Variants in IRX3 observed in about 807,000 individuals in gnomAD.
IRX3 encodes iroquois-class homeodomain protein IRX-3.
A neutral mutation model predicts 36.4 loss-of-function variants in IRX3; 20 were observed. The observed-to-expected ratio is 0.55, with a 90% CI of 0.39 to 0.80. The LOEUF is 0.80. Among genes scored for constraint, IRX3 ranks in the 30% least tolerant of loss-of-function variants. The pLI is 0.00. For synonymous variants in IRX3, 404 were observed against 351.6 expected (o/e 1.15, Z -1.67); for missense variants, 718 against 733.2 (o/e 0.98, Z 0.24).
Position 54,284,473 on chromosome 16 carries a change from C to T in IRX3, c.1384+24G>A. On this transcript the variant is annotated intron_variant, in intron 2 of 3. Transcript: ENST00000329734. The surrounding 1 kb of genome is among the most constrained non-coding windows in gnomAD (Gnocchi z 4.0). ...ACTACCCGCAGAGCCCGCCCCCGCTCCGCGCCCAGCGCTCAGCAGTCACCT... is the reference window on the plus strand; with the variant it reads ...ACTACCCGCAGAGCCCGCCCCCGCTTCGCGCCCAGCGCTCAGCAGTCACCT... 2.9e-6 allele frequency: 4 copies of T among 1,392,178 alleles called. No homozygotes were observed. In the South Asian group the frequency reaches 6.5e-5, roughly 23 times the overall value. 86.2% of individuals were successfully genotyped at this position (1,392,178 alleles called of 1,614,324 possible).
At position 54,285,875 on chromosome 16, in the gene IRX3, G is replaced by T; in HGVS notation, c.176C>A (p.Ala59Glu). The change falls in exon 1 of 4, where the codon GCG (alanine) becomes GAG (glutamate). Residue 59 changes from alanine to glutamate, a missense_variant. Transcript: ENST00000329734. The surrounding 1 kb of genome is among the most constrained non-coding windows in gnomAD (Gnocchi z 5.7). ...LSNVLSSVYG[A>E]PYAAAAAAAA... Reference sequence around the variant, plus strand: ...GGCCGCAGCGGCCGCGGCGTAGGGCGCCCCGTACACGGACGAGAGCACGTT... The same window carrying T: ...GGCCGCAGCGGCCGCGGCGTAGGGCTCCCCGTACACGGACGAGAGCACGTT... 1 of 1,540,544 alleles carries T rather than the reference G, an allele frequency of 6.5e-7. No individual in the cohort carries two copies. Among genetic ancestry groups the T allele is most frequent in the Non-Finnish European group, 8.7e-7 (1 of 1,144,714 alleles).
chr16:54,286,481 C>T lies in IRX3; in HGVS notation c.-431G>A. 1 of 739,190 alleles carries T rather than the reference C, an allele frequency of 1.4e-6. No individual in the cohort carries two copies. The highest frequency in any genetic ancestry group is 6.6e-4 in the Middle Eastern group (1 of 1,516). The allele number at this position is 739,190 out of a possible 1,614,324, so 45.8% of individuals were successfully genotyped here. ...CCCCTCCTCGCCCTTCCTCTCCCCT[C>T]CCCTCTCCGCACTCCTCTTCCCCCC... On this transcript the variant is annotated 5_prime_UTR_variant, in exon 1 of 4. Coordinates refer to ENST00000329734, the MANE Select transcript of IRX3 (RefSeq NM_024336.3).
At position 54,286,482 on chromosome 16, in the gene IRX3, C is replaced by T. The variant is rs1171509179; in HGVS notation, c.-432G>A. The T allele has an allele frequency of 2.7e-6, 2 of 737,874 alleles. No individual in the cohort carries two copies. Among genetic ancestry groups the T allele is most frequent in the Non-Finnish European group, 3.3e-6 (2 of 604,012 alleles). The allele number at this position is 737,874 out of a possible 1,614,324, so 45.7% of individuals were successfully genotyped here. A position where few individuals can be genotyped will look rare whatever the true frequency, so the allele number is the denominator to read the frequency against. ...CCCTCCTCGCCCTTCCTCTCCCCTC[C>T]CCTCTCCGCACTCCTCTTCCCCCCA... On this transcript the variant is annotated 5_prime_UTR_variant, in exon 1 of 4. Coordinates refer to ENST00000329734, the MANE Select transcript of IRX3 (RefSeq NM_024336.3).
chr16:54,285,182 G>A lies in IRX3; in HGVS notation c.699C>T (p.Leu233=), dbSNP rs758548201. The stretch of plus-strand genomic sequence containing the variant: ...CCCCCGTGTCCTCCTCCTCCCCCCC[G>A]AGCTCCTCCTCCTCCAGCTCTAGCT... ...KRELELEEEE[L]GGEEEDTGGE... The change falls in exon 2 of 4, where the codon CTC becomes CTT. Residue 233 remains leucine, a synonymous_variant. Coordinates refer to ENST00000329734, the MANE Select transcript of IRX3 (RefSeq NM_024336.3). This position sits in a 1 kb window ranked among gnomAD's most constrained non-coding sequence, Gnocchi z 5.7. The A allele has an allele frequency of 5.7e-6, 9 of 1,592,338 alleles. No individual in the cohort carries two copies. Among genetic ancestry groups the A allele is most frequent in the African/African-American group, 2.7e-5 (2 of 72,798 alleles).
In IRX3 at chr16:54,285,523, A is replaced by C. The variant is rs1901306756; in HGVS notation, c.358T>G (p.Tyr120Asp). ...FPHPHPAFYP[Y>D]GQYQFGDPSR... ...GGGTCCCCGAACTGGTACTGGCCAT[A>C]CGGGTAGAAGGCGGGGTGCGGGTGC... The change falls in exon 2 of 4, where the codon TAT becomes GAT. Residue 120 changes from tyrosine (Y) to aspartate (D), a missense_variant. This residue lies in a region of IRX3 where 204 missense variants were observed against 181.4 expected (regional missense o/e 1.12). Coordinates refer to ENST00000329734, the MANE Select transcript of IRX3 (RefSeq NM_024336.3). This position sits in a 1 kb window ranked among gnomAD's most constrained non-coding sequence, Gnocchi z 5.7. 1 of 1,613,114 alleles carries C rather than the reference A, an allele frequency of 6.2e-7. No homozygotes were observed. Among genetic ancestry groups the C allele is most frequent in the Non-Finnish European group, 8.5e-7 (1 of 1,179,598 alleles).
rs1246831027 is a variant in IRX3, at chr16:54,286,314, G to C, written c.-264C>G. 1.1e-5 allele frequency: 11 copies of C among 992,470 alleles called. No individual in the cohort carries two copies. Among genetic ancestry groups the C allele is most frequent in the Non-Finnish European group, 1.2e-5 (10 of 834,880 alleles). 61.5% of individuals were successfully genotyped at this position (992,470 alleles called of 1,614,324 possible). ...TCCGGGCTCTGATTGACATTTCTAC[G>C]GGGCGCAAGCCCCTCCTCTCTGCGC... On this transcript the variant is annotated 5_prime_UTR_variant, in exon 1 of 4. Transcript: ENST00000329734.
At position 54,283,621 on chromosome 16, in the gene IRX3, T is replaced by A. The variant is rs944996825; in HGVS notation, c.*65A>T. 3 of 793,724 alleles carry A rather than the reference T, an allele frequency of 3.8e-6. No homozygotes were observed. The East Asian group carries it at 8.0e-5, about 21-fold the overall frequency. The allele number at this position is 793,724 out of a possible 1,614,324, so 49.2% of individuals were successfully genotyped here. A position where few individuals can be genotyped will look rare whatever the true frequency, so the allele number is the denominator to read the frequency against. On this transcript the variant is annotated 3_prime_UTR_variant, in exon 4 of 4. Transcript: ENST00000329734. The surrounding 1 kb of genome is among the most constrained non-coding windows in gnomAD (Gnocchi z 4.4). ...CAAGTTGTAACTATACAGAGCGATT[T>A]TTTTTATACAATTATTACAACGATT...
chr16:54,283,642 C>T lies in IRX3; in HGVS notation c.*44G>A. ...GATTTTTTTTATACAATTATTACAA[C>T]GATTAAAAAAAGTTTTTTTTGTTTT... On this transcript the variant is annotated 3_prime_UTR_variant, in exon 4 of 4. Coordinates refer to ENST00000329734, the MANE Select transcript of IRX3 (RefSeq NM_024336.3). This position sits in a 1 kb window ranked among gnomAD's most constrained non-coding sequence, Gnocchi z 4.4. 2.2e-6 allele frequency: 2 copies of T among 895,944 alleles called. No homozygotes were observed. The highest frequency in any genetic ancestry group is 2.1e-5 in the Admixed American group (1 of 48,066). The allele number at this position is 895,944 out of a possible 1,614,324, so 55.5% of individuals were successfully genotyped here. A position where few individuals can be genotyped will look rare whatever the true frequency, so the allele number is the denominator to read the frequency against.
rs1191621992 is a variant in IRX3 at position 54,283,545 on chromosome 16, T to A, written c.*141A>T. On this transcript the variant is annotated 3_prime_UTR_variant, in exon 4 of 4. Transcript: ENST00000329734. This position sits in a 1 kb window ranked among gnomAD's most constrained non-coding sequence, Gnocchi z 4.4. ...GAGGACTGGTTTTATTTCTTTTTCT[T>A]ACTTTCTTTGTTTAGTTTTGCTTTT... The A allele has an allele frequency of 1.7e-6, 1 of 573,042 alleles. No homozygotes were observed. The highest frequency in any genetic ancestry group is 3.2e-6 in the Non-Finnish European group (1 of 314,326). The allele number at this position is 573,042 out of a possible 1,614,324, so 35.5% of individuals were successfully genotyped here. A position where few individuals can be genotyped will look rare whatever the true frequency, so the allele number is the denominator to read the frequency against.
At position 54,286,612 on chromosome 16, in the gene IRX3, C is replaced by G. The variant is rs1901351175; in HGVS notation, c.-562G>C. Reference sequence around the variant, plus strand: ...CCTTTCTCACGAGGGCTTTTGCTCTCCGGTCCGTTCCCTTCACTTCTTCCT... The same window carrying G: ...CCTTTCTCACGAGGGCTTTTGCTCTGCGGTCCGTTCCCTTCACTTCTTCCT... On this transcript the variant is annotated 5_prime_UTR_variant, in exon 1 of 4. Transcript: ENST00000329734. The G allele has an allele frequency of 6.5e-6, 1 of 154,098 alleles. No homozygotes were observed. Among genetic ancestry groups the G allele is most frequent in the Non-Finnish European group, 1.4e-5 (1 of 69,652 alleles). 9.5% of individuals were successfully genotyped at this position (154,098 alleles called of 1,614,324 possible).
chr16:54,285,313 T>C lies in IRX3; in HGVS notation c.568A>G (p.Lys190Glu), dbSNP rs1282226548. Residue 190 changes from lysine (K) to glutamate (E), a missense_variant, in exon 2 of 4, where the codon AAG becomes GAG. Lys to Glu is a moderately conservative substitution (Grantham distance 56). Around this residue, in one of 3 missense-constraint regions of IRX3, gnomAD observed 468 missense variants for 462.1 expected, o/e 1.01. Transcript: ENST00000329734. The surrounding 1 kb of genome is among the most constrained non-coding windows in gnomAD (Gnocchi z 5.7). ...NARRRLKKEN[K>E]MTWAPRSRTD... ...CGGCTGCGAGGCGCCCAAGTCATCT[T>C]ATTCTCCTTCTTGAGGCGCCGGCGC... 9.3e-6 allele frequency: 15 copies of C among 1,614,022 alleles called. No individual in the cohort carries two copies. The highest frequency in any genetic ancestry group is 2.2e-5 in the East Asian group (1 of 44,838).
rs1277694003 is a variant in IRX3 at position 54,283,613 on chromosome 16, G to A, written c.*73C>T. 1.3e-6 allele frequency: 1 copy of A among 746,532 alleles called. No individual in the cohort carries two copies. The highest frequency in any genetic ancestry group is 2.2e-5 in the Admixed American group (1 of 44,622). The allele number at this position is 746,532 out of a possible 1,614,324, so 46.2% of individuals were successfully genotyped here. On this transcript the variant is annotated 3_prime_UTR_variant, in exon 4 of 4. Transcript: ENST00000329734. The surrounding 1 kb of genome is among the most constrained non-coding windows in gnomAD (Gnocchi z 4.4). ...CATGCTTACAAGTTGTAACTATACA[G>A]AGCGATTTTTTTTATACAATTATTA...
rs1361413348 is a variant in IRX3, at chr16:54,284,499, G to C, written c.1382C>G (p.Thr461Arg). Residue 461 changes from threonine to arginine, a missense_variant and splice_region_variant, in exon 2 of 4, where the codon ACA becomes AGA. Coordinates refer to ENST00000329734, the MANE Select transcript of IRX3 (RefSeq NM_024336.3). This position sits in a 1 kb window ranked among gnomAD's most constrained non-coding sequence, Gnocchi z 4.0. Reference sequence around the variant, plus strand: ...CGCGCCCAGCGCTCAGCAGTCACCTGTTCCGCCTTCGGGCTCCGCTGGCCG... The same window carrying C: ...CGCGCCCAGCGCTCAGCAGTCACCTCTTCCGCCTTCGGGCTCCGCTGGCCG... Reference protein sequence around the residue: ...FARPAEPEGGTDRCSALEVEK... With the variant: ...FARPAEPEGGRDRCSALEVEK... 3 of 1,401,732 alleles carry C rather than the reference G, an allele frequency of 2.1e-6. No individual in the cohort carries two copies. The highest frequency in any genetic ancestry group is 2.8e-6 in the Non-Finnish European group (3 of 1,090,876). The allele number at this position is 1,401,732 out of a possible 1,614,324, so 86.8% of individuals were successfully genotyped here. A position where few individuals can be genotyped will look rare whatever the true frequency, so the allele number is the denominator to read the frequency against.
rs1249965648 is a variant in IRX3 at position 54,285,425 on chromosome 16, G to A, written c.456C>T (p.Asn152=). 1 of 1,614,132 alleles carries A rather than the reference G, an allele frequency of 6.2e-7. No homozygotes were observed. The highest frequency in any genetic ancestry group is 1.1e-5 in the South Asian group (1 of 91,078). The change falls in exon 2 of 4, where the codon AAC becomes AAT. Residue 152 remains asparagine (N), a synonymous_variant. Transcript: ENST00000329734. The surrounding 1 kb of genome is among the most constrained non-coding windows in gnomAD (Gnocchi z 5.7). ...TCTTCTCGCCCTTGGTGGGGTAGGGGTTCTTGCGGTGCTCGTTGAGCCAGG... is the reference window on the plus strand; with the variant it reads ...TCTTCTCGCCCTTGGTGGGGTAGGGATTCTTGCGGTGCTCGTTGAGCCAGG... ...LKAWLNEHRK[N]PYPTKGEKIM... is the part of the protein sequence containing the mutation.
In IRX3 at chr16:54,286,315, G is replaced by T; in HGVS notation, c.-265C>A. On this transcript the variant is annotated 5_prime_UTR_variant, in exon 1 of 4. Coordinates refer to ENST00000329734, the MANE Select transcript of IRX3 (RefSeq NM_024336.3). Reference sequence around the variant, plus strand: ...CCGGGCTCTGATTGACATTTCTACGGGGCGCAAGCCCCTCCTCTCTGCGCC... The same window carrying T: ...CCGGGCTCTGATTGACATTTCTACGTGGCGCAAGCCCCTCCTCTCTGCGCC... 1 of 992,350 alleles carries T rather than the reference G, an allele frequency of 1.0e-6. No homozygotes were observed. The highest frequency in any genetic ancestry group is 1.2e-6 in the Non-Finnish European group (1 of 834,812). The allele number at this position is 992,350 out of a possible 1,614,324, so 61.5% of individuals were successfully genotyped here.
Position 54,284,175 on chromosome 16 carries a change from C to A in IRX3, c.1451+71G>T. On this transcript the variant is annotated intron_variant, in intron 3 of 3. Transcript: ENST00000329734. The surrounding 1 kb of genome is among the most constrained non-coding windows in gnomAD (Gnocchi z 4.0). ...CCCTACCCCGGGGCAAAAGGCCGTG[C>A]GTGGTGCTCGGCGTCCTCTCCTTTC... 1 of 1,440,834 alleles carries A rather than the reference C, an allele frequency of 6.9e-7. No homozygotes were observed. The highest frequency in any genetic ancestry group is 1.4e-5 in the African/African-American group (1 of 70,338). 89.3% of individuals were successfully genotyped at this position (1,440,834 alleles called of 1,614,324 possible).
In IRX3 at chr16:54,283,654, G is replaced by GTT. The variant is rs202000036; in HGVS notation, c.*30_*31dup. ...ACAATTATTACAACGATTAAAAAAA[G>GTT]TTTTTTTTGTTTTTTTGTTTTTTTT... On this transcript the variant is annotated 3_prime_UTR_variant, in exon 4 of 4. Coordinates refer to ENST00000329734, the MANE Select transcript of IRX3 (RefSeq NM_024336.3). The surrounding 1 kb of genome is among the most constrained non-coding windows in gnomAD (Gnocchi z 4.4). 1.9e-6 allele frequency: 2 copies of GTT among 1,041,648 alleles called. No homozygotes were observed. The highest frequency in any genetic ancestry group is 3.2e-5 in the African/African-American group (2 of 61,916). 64.5% of individuals were successfully genotyped at this position (1,041,648 alleles called of 1,614,324 possible). A position where few individuals can be genotyped will look rare whatever the true frequency, so the allele number is the denominator to read the frequency against.
Position 54,284,130 on chromosome 16 carries a change from T to G in IRX3, c.1451+116A>C, listed in dbSNP as rs1385260529. 3 of 1,182,066 alleles carry G rather than the reference T, an allele frequency of 2.5e-6. No homozygotes were observed. The highest frequency in any genetic ancestry group is 3.6e-6 in the Non-Finnish European group (3 of 840,476). 73.2% of individuals were successfully genotyped at this position (1,182,066 alleles called of 1,614,324 possible). A position where few individuals can be genotyped will look rare whatever the true frequency, so the allele number is the denominator to read the frequency against. ...GTGACTTTCGTCCCCTTTTACAAAA[T>G]GCGTCCCAGCAGGGTTCCCCCCTAC... On this transcript the variant is annotated intron_variant, in intron 3 of 3. Transcript: ENST00000329734. The surrounding 1 kb of genome is among the most constrained non-coding windows in gnomAD (Gnocchi z 4.0).
rs1273286612 is a variant in IRX3 at position 54,285,653 on chromosome 16, A to AGC, written c.268-42_268-41dup. The AGC allele has an allele frequency of 6.8e-7, 1 of 1,474,820 alleles. No homozygotes were observed. The highest frequency in any genetic ancestry group is 2.4e-5 in the Admixed American group (1 of 41,698). The allele number at this position is 1,474,820 out of a possible 1,614,324, so 91.4% of individuals were successfully genotyped here. On this transcript the variant is annotated intron_variant, in intron 1 of 3. Transcript: ENST00000329734. This position sits in a 1 kb window ranked among gnomAD's most constrained non-coding sequence, Gnocchi z 5.7. ...AGAAGGAAGGGACACGCGCGGAGGG[A>AGC]GCGCGAGTGAGCCCCAGCCATCGCT...
Sources: allele counts gnomAD v4.1 joint callset, GRCh38; gene constraint gnomAD v4.1.1; regional missense constraint gnomAD v4.1.1; non-coding constraint Gnocchi (gnomAD v3.1); transcripts MANE v1.5; gene names NCBI Gene and HGNC (gene_info 2026-07-23, HGNC 2026-07-21).